Variants in ESD observed in about 807,000 individuals in gnomAD.
The protein encoded by ESD is esterase D, also known as S-formylglutathione hydrolase.
In ESD, 34 loss-of-function variants were observed where a neutral mutation model predicts 38.1. The observed-to-expected ratio is 0.89, with a 90% confidence interval of 0.68 to 1.19. The LOEUF (loss-of-function observed/expected upper bound fraction) is 1.19, where lower values mean the gene tolerates loss of function less well. Ranked by LOEUF, ESD falls within the 50% of genes most tolerant of loss-of-function variation. ESD has a pLI of 0.00. For missense variants in ESD, 334 were observed against 327.2 expected (o/e 1.02, Z -0.16); for synonymous variants, 97 against 107.0 (o/e 0.91, Z 0.58).
intron 9 of ESD, among the ~76,000 whole-genome samples, chr13:46,774,046 CAG>C (rs1367800581): frequency 6.6e-6 from 1 of 152,052 alleles, no homozygotes; most frequent in Non-Finnish European, 1.5e-5. Flanking sequence ...TGCAGGGAAA[CAG>C]ATATCTCAAA....
Position 46,787,121 on chromosome 13 carries a change from A to C in ESD, c.69-12T>G. 6.8e-7 allele frequency: 1 copy of C among 1,478,358 alleles called. No homozygotes were observed. Among genetic ancestry groups the C allele is most frequent in the Non-Finnish European group, 9.2e-7 (1 of 1,083,092 alleles). 91.6% of individuals were successfully genotyped at this position (1,478,358 alleles called of 1,614,324 possible). A position where few individuals can be genotyped will look rare whatever the true frequency, so the allele number is the denominator to read the frequency against. ...AGTTTAGTTCAACACTAGTTTTAAC[A>C]AAAACAACAACAAAATATTAATGCC... is the stretch of plus-strand genomic sequence containing the variant. On this transcript the variant is annotated splice_polypyrimidine_tract_variant and intron_variant, in intron 3 of 9. Transcript: ENST00000378720.
intron 9 of ESD, among the ~76,000 whole-genome samples, chr13:46,771,981 C>G (rs779090586): frequency 1.8e-4 from 27 of 152,096 alleles, no homozygotes; most frequent in Non-Finnish European, 4.0e-4. Context: ...TTTCAATTCA[C>G]AAATGCAGCA....
chr13:46,782,963 C>T (rs1459641113), intron 5 of ESD, among the ~76,000 whole-genome samples, 172 bp from the exon 6 acceptor site: 1 of 151,902 alleles, frequency 6.6e-6, no homozygotes, highest in Non-Finnish European at 1.5e-5. Context: ...CTCCTCTTGC[C>T]CTTGAATGGG....
Position 46,795,750 on chromosome 13 carries a change from T to C in ESD, c.-56+1355A>G, listed in dbSNP as rs548451480. Among the ~76,000 whole-genome samples, 80 of 146,720 alleles carry C rather than the reference T, an allele frequency of 5.5e-4. No homozygotes were observed. The Middle Eastern group carries it at 0.018, about 33-fold the overall frequency. ...ACCTGTGTGCAAACACAGTCTTTTTTTTCTTCTTTTTTTTTTTTTTGAGAC... is the reference window on the plus strand; with the variant it reads ...ACCTGTGTGCAAACACAGTCTTTTTCTTCTTCTTTTTTTTTTTTTTGAGAC... On this transcript the variant is annotated intron_variant, in intron 1 of 9. Transcript: ENST00000378720.
chr13:46,787,328 A>G (rs1334046999), intron 3 of ESD, among the ~76,000 whole-genome samples: 2 of 151,968 alleles, frequency 1.3e-5, no homozygotes, highest in African/African-American at 2.4e-5. Flanking sequence ...AACCAACCTG[A>G]GCCTATACTT....
intron 1 of ESD, among the ~76,000 whole-genome samples, chr13:46,794,778 G>A (rs1875521666): frequency 1.3e-5 from 2 of 152,130 alleles, no homozygotes; most frequent in South Asian, 4.1e-4. Flanking sequence ...GACCACCACT[G>A]TGTTGTTCAA....
At position 46,777,569 on chromosome 13, in the gene ESD, G is replaced by C. The variant is rs1263063760; in HGVS notation, c.655C>G (p.Leu219Val). The change falls in exon 9 of 10, where the codon CTA becomes GTA. Residue 219 changes from leucine to valine, a missense_variant. Transcript: ENST00000378720. ...TGGTCATCTTTCCCTTGATCAATTA[G>C]TATGTCCAGCTGAGATCCTGGATAG... is the stretch of plus-strand genomic sequence containing the variant. The part of the protein sequence containing the change: ...KSYPGSQLDI[L>V]IDQGKDDQFL... The C allele has an allele frequency of 6.2e-7, 1 of 1,611,326 alleles. No homozygotes were observed. Among genetic ancestry groups the C allele is most frequent in the South Asian group, 1.1e-5 (1 of 90,842 alleles).
chr13:46,787,527 GCT>G (rs1875236945), intron 3 of ESD, among the ~76,000 whole-genome samples: 1 of 151,812 alleles, frequency 6.6e-6, no homozygotes. Context: ...TCCTTAATTC[GCT>G]CTTTCATCAC....
intron 9 of ESD, among the ~76,000 whole-genome samples, chr13:46,773,558 A>G (rs1874687914): frequency 6.6e-6 from 1 of 152,244 alleles, no homozygotes; most frequent in South Asian, 2.1e-4. Flanking sequence ...GCTAATAAAA[A>G]TATCACTGAC....
chr13:46,772,033 C>G (rs1462560119), intron 9 of ESD, among the ~76,000 whole-genome samples: 1 of 152,088 alleles, frequency 6.6e-6, no homozygotes, highest in Non-Finnish European at 1.5e-5. Context: ...AATAAGCACA[C>G]AAACAATATA....
intron 9 of ESD, among the ~76,000 whole-genome samples, chr13:46,772,441 T>C (rs950541392): frequency 6.6e-6 from 1 of 152,230 alleles, no homozygotes; most frequent in African/African-American, 2.4e-5. Flanking sequence ...CTTTTTTTGT[T>C]GTTCAACTTT....
chr13:46,771,991 A>C (rs140558870), intron 9 of ESD, among the ~76,000 whole-genome samples: 1 of 152,322 alleles, frequency 6.6e-6, no homozygotes, highest in East Asian at 1.9e-4. Context: ...CAAATGCAGC[A>C]CATCAGTAAG....
intron 2 of ESD, among the ~76,000 whole-genome samples, chr13:46,791,635 C>G (rs1422630016): frequency 6.6e-6 from 1 of 151,948 alleles, no homozygotes. Context: ...AGCTTTCATA[C>G]TTTGGTATAT....
intron 1 of ESD, among the ~76,000 whole-genome samples, chr13:46,795,848 G>A (rs561767796): frequency 6.6e-6 from 1 of 150,526 alleles, no homozygotes; most frequent in Admixed American, 6.6e-5. Context: ...CTCGGCCCCC[G>A]GGCTCAGGTG....
In ESD at chr13:46,791,390, G is replaced by C; in HGVS notation, c.24C>G (p.Ser8Arg). The change falls in exon 3 of 10, where the codon AGC becomes AGG. Residue 8 changes from serine (S) to arginine (R), a missense_variant. Physicochemically the swap from Ser to Arg is moderately radical, Grantham distance 110 (BLOSUM62 -1). Transcript: ENST00000378720. The part of the protein sequence containing the change: MALKQIS[S>R]NKCFGGLQKV... ...TCTGCAATCCCCCAAAGCACTTGTT[G>C]CTGGAAATCTGCTTCAATGCCATTC... The C allele has an allele frequency of 4.3e-6, 7 of 1,613,016 alleles. No homozygotes were observed. The highest frequency in any genetic ancestry group is 5.9e-6 in the Non-Finnish European group (7 of 1,179,398).
chr13:46,792,851 G>A (rs1167065501), intron 2 of ESD, among the ~76,000 whole-genome samples: 2 of 151,874 alleles, frequency 1.3e-5, no homozygotes. Context: ...ATATATATGA[G>A]ACCAACAAAT....
chr13:46,785,405 G>A (rs1345063396), intron 4 of ESD, among the ~76,000 whole-genome samples: 5 of 152,010 alleles, frequency 3.3e-5, no homozygotes, highest in African/African-American at 1.2e-4. Context: ...AATTCTATTG[G>A]GTACACAGCT....
Position 46,791,264 on chromosome 13 carries a change from T to C in ESD, c.68+82A>G, listed in dbSNP as rs930495016. The C allele has an allele frequency of 1.5e-5, 15 of 993,602 alleles. No individual in the cohort carries two copies. In the African/African-American group the frequency reaches 1.6e-4, roughly 11 times the overall value. 61.5% of individuals were successfully genotyped at this position (993,602 alleles called of 1,614,324 possible). On this transcript the variant is annotated intron_variant, in intron 3 of 9. Transcript: ENST00000378720. Reference sequence around the variant, plus strand: ...AAAAGTAAAATGAGGTACTATAATATCTAGATAAAGATTGGTTTTAAAATA... The same window carrying C: ...AAAAGTAAAATGAGGTACTATAATACCTAGATAAAGATTGGTTTTAAAATA...
intron 3 of ESD, among the ~76,000 whole-genome samples, chr13:46,788,036 A>G (rs1374046794): frequency 1.3e-5 from 2 of 151,870 alleles, no homozygotes; most frequent in Non-Finnish European, 2.9e-5. Flanking sequence ...ATGCCCCTAC[A>G]TTTCTCCTTC....
Sources: gnomAD v4.1 joint callset for allele counts (sites outside exome capture counted in the v4.1 genomes callset) on GRCh38, gnomAD v4.1.1 for gene constraint, MANE v1.5 for transcripts, NCBI Gene and HGNC (gene_info 2026-07-23, HGNC 2026-07-21) for gene names.